The following SLC30A9 variants were observed in gnomAD, a reference collection of about 807,000 sequenced individuals.
SLC30A9 encodes solute carrier family 30 member 9, also known as proton-coupled zinc antiporter SLC30A9, mitochondrial.
In SLC30A9, 58 loss-of-function variants were observed where a neutral mutation model predicts 87.5. The ratio of observed to expected loss-of-function variants is 0.66; its 90% confidence interval spans 0.54 to 0.82. The LOEUF is 0.82. SLC30A9 is among the 40% of genes least tolerant of loss of function. The pLI, the probability that SLC30A9 is intolerant of heterozygous loss-of-function variation, is 0.00. For synonymous variants in SLC30A9, 234 were observed against 233.0 expected (o/e 1.00, Z -0.04); for missense variants, 557 against 679.1 (o/e 0.82, Z 2.00).
At chr4:42,013,632 A>G (rs933464921) in intron 2 of SLC30A9, among the ~76,000 whole-genome samples, 2 of 152,222 alleles carry the variant, frequency 1.3e-5, no homozygotes, top group African/African-American at 4.8e-5. Context: ...TGCCAAAAAC[A>G]TACATTGGGG....
intron 2 of SLC30A9, among the ~76,000 whole-genome samples, chr4:42,008,016 A>G (rs775547487): frequency 6.6e-6 from 1 of 152,130 alleles, no homozygotes; most frequent in Admixed American, 6.5e-5. Flanking sequence ...AAAATTTACT[A>G]TTCTGACTCT....
chr4:42,044,278 A>G (rs1717047382), intron 8 of SLC30A9, among the ~76,000 whole-genome samples: 2 of 151,826 alleles, frequency 1.3e-5, no homozygotes, highest in Non-Finnish European at 1.5e-5. Context: ...TTGGATAAAG[A>G]GTCAAGACCC....
At chr4:42,071,675 C>CA (rs56891419) in intron 15 of SLC30A9, among the ~76,000 whole-genome samples, 119 of 125,414 alleles carry the variant, frequency 9.5e-4, no homozygotes, top group Middle Eastern at 7.9e-3. Context: ...AACCCTGTCT[C>CA]AAAAAAAAAA....
chr4:42,075,995 T>C (rs1014938830), intron 16 of SLC30A9, among the ~76,000 whole-genome samples: 7 of 152,314 alleles, frequency 4.6e-5, no homozygotes, highest in Admixed American at 4.6e-4. Context: ...GCTTGCTATG[T>C]GCATTTAATC....
Position 42,066,594 on chromosome 4 carries a change from G to A in SLC30A9, c.1117G>A (p.Ala373Thr), listed in dbSNP as rs764711698. ...AVNELRRNAR[A>T]KGMSFYKYVM... ...AAATGAACTTCGTAGGAATGCTCGG[G>A]CTAAAGGAATGTCATTTTACAAGTA... Residue 373 changes from alanine (A) to threonine (T), a missense_variant, in exon 13 of 18, where the codon GCT (alanine) becomes ACT (threonine). Ala to Thr is a moderately conservative substitution (Grantham distance 58, BLOSUM62 0). Transcript: ENST00000264451. The A allele has an allele frequency of 6.2e-7, 1 of 1,606,858 alleles. No homozygotes were observed. The highest frequency in any genetic ancestry group is 1.1e-5 in the South Asian group (1 of 90,158).
At chr4:42,011,760 C>G (rs1275813283) in intron 2 of SLC30A9, among the ~76,000 whole-genome samples, 3 of 152,138 alleles carry the variant, frequency 2.0e-5, no homozygotes, top group South Asian at 4.1e-4. Flanking sequence ...ATGAAGGACT[C>G]ATATTCATTA....
At chr4:42,009,213 A>G (rs1254875932) in intron 2 of SLC30A9, among the ~76,000 whole-genome samples, 1 of 152,218 alleles carries the variant, frequency 6.6e-6, no homozygotes, top group African/African-American at 2.4e-5. Context: ...TATTAGAAAT[A>G]CATTGTTTAT....
intron 7 of SLC30A9, among the ~76,000 whole-genome samples, chr4:42,035,835 A>C (rs1366224117): frequency 6.6e-6 from 1 of 152,184 alleles, no homozygotes; most frequent in East Asian, 1.9e-4. Context: ...CTTTAAAGTC[A>C]TAACCATGTT....
At chr4:42,073,001 A>G (rs1472047748) in intron 15 of SLC30A9, among the ~76,000 whole-genome samples, 4 of 151,828 alleles carry the variant, frequency 2.6e-5, no homozygotes, top group Admixed American at 6.6e-5. Context: ...TTTAGTAGAG[A>G]CGAGGTTTCA....
rs753362816 is a variant in SLC30A9, at chr4:42,020,563, A to G, written c.434+48A>G. On this transcript the variant is annotated intron_variant, in intron 4 of 17. Coordinates refer to ENST00000264451, the MANE Select transcript of SLC30A9 (RefSeq NM_006345.4). ...CCGTGTGTCATATCTAAATAATCTA[A>G]ATAACTATTCCTTTCTTAGAGTGTG... The G allele has an allele frequency of 1.1e-5, 12 of 1,053,440 alleles. No homozygotes were observed. The East Asian group carries it at 2.7e-4, about 24-fold the overall frequency. 65.3% of individuals were successfully genotyped at this position (1,053,440 alleles called of 1,614,324 possible). A position where few individuals can be genotyped will look rare whatever the true frequency, so the allele number is the denominator to read the frequency against.
intron 10 of SLC30A9, 117 bp from the exon 11 acceptor site, chr4:42,062,869 A>C: frequency 2.3e-6 from 2 of 866,044 alleles, no homozygotes; most frequent in Admixed American, 5.6e-5. Context: ...ATCTTACTTA[A>C]ATATAAAATT....
chr4:42,008,880 T>A (rs947693674), intron 2 of SLC30A9, among the ~76,000 whole-genome samples: 3 of 152,228 alleles, frequency 2.0e-5, no homozygotes, highest in Non-Finnish European at 4.4e-5. Flanking sequence ...CAATTTCTTC[T>A]CTTTCTTTTG....
chr4:42,050,921 C>A (rs548991548), intron 9 of SLC30A9, among the ~76,000 whole-genome samples: 2 of 152,198 alleles, frequency 1.3e-5, no homozygotes, highest in East Asian at 3.9e-4. Flanking sequence ...CTAGAACTTA[C>A]AAGGAAGAGT....
At chr4:42,018,546 G>A (rs1715813436) in intron 3 of SLC30A9, 4 of 602,314 alleles carry the variant, frequency 6.6e-6, no homozygotes, top group Non-Finnish European at 9.3e-6. Flanking sequence ...TTTTCTAGGA[G>A]AAATTGAAGG....
intron 12 of SLC30A9, among the ~76,000 whole-genome samples, 151 bp from the exon 13 acceptor site, chr4:42,066,395 GATTA>G (rs1718077077): frequency 6.6e-6 from 1 of 152,150 alleles, no homozygotes; most frequent in African/African-American, 2.4e-5. Context: ...TTATTATAAT[GATTA>G]ATTGATAACA....
Position 42,007,786 on chromosome 4 carries a change from A to C in SLC30A9, c.274+6006A>C, listed in dbSNP as rs1428610255. On this transcript the variant is annotated intron_variant, in intron 2 of 17. Transcript: ENST00000264451. The stretch of plus-strand genomic sequence containing the variant: ...AACAAAAGATGTCACACATCTTAAC[A>C]CAACTACTATCCTACTTCAAGATAT... Among the ~76,000 whole-genome samples, 4 of 149,112 alleles carry C rather than the reference A, an allele frequency of 2.7e-5. No individual in the cohort carries two copies. The Admixed American group carries it at 2.7e-4, about 10-fold the overall frequency.
In SLC30A9 at chr4:42,089,865, C is replaced by T. The variant is rs981146542; in HGVS notation, c.*3739C>T. ...AAGCAAAGGTAATCCCTGCATACAT[C>T]CTCCTACACACACACACATAGTGCA... On this transcript the variant is annotated 3_prime_UTR_variant, in exon 18 of 18. Coordinates refer to ENST00000264451, the MANE Select transcript of SLC30A9 (RefSeq NM_006345.4). 2.0e-5 allele frequency: 3 copies of T among 152,148 alleles called. No individual in the cohort carries two copies. Among genetic ancestry groups the T allele is most frequent in the African/African-American group, 7.2e-5 (3 of 41,412 alleles). The allele number at this position is 152,148 out of a possible 1,614,324, so 9.4% of individuals were successfully genotyped here. A position where few individuals can be genotyped will look rare whatever the true frequency, so the allele number is the denominator to read the frequency against.
In SLC30A9 at chr4:42,054,153, G is replaced by A. The variant is rs563363209; in HGVS notation, c.840+4674G>A. On this transcript the variant is annotated intron_variant, in intron 9 of 17. Transcript: ENST00000264451. ...GCGGATCACTGGAGGTCAGGAGTTC[G>A]AGGCCAGCCTGGCCAATACGGTGAA... is the stretch of plus-strand genomic sequence containing the variant. Among the ~76,000 whole-genome samples the A allele has an allele frequency of 2.1e-4, 32 of 152,172 alleles. No individual in the cohort carries two copies. In the East Asian group the frequency reaches 5.8e-3, roughly 28 times the overall value.
chr4:42,069,673 T>C (rs1460452689), intron 14 of SLC30A9, among the ~76,000 whole-genome samples: 2 of 152,250 alleles, frequency 1.3e-5, no homozygotes, highest in East Asian at 3.8e-4. Context: ...AAGCCATGTG[T>C]AAAATTTATT....
Sources: allele counts gnomAD v4.1 joint callset (sites outside exome capture counted in the v4.1 genomes callset), GRCh38; gene constraint gnomAD v4.1.1; transcripts MANE v1.5; gene names NCBI Gene and HGNC (gene_info 2026-07-23, HGNC 2026-07-21).